Variants in XKR4 observed in about 807,000 individuals in gnomAD.
XKR4 encodes XK-related protein 4.
Under a neutral mutation model 53.9 loss-of-function variants are expected in XKR4, and 12 were observed. That is an observed-to-expected ratio of 0.22 (90% CI 0.14 to 0.36). The LOEUF is 0.36. Among genes scored for constraint, XKR4 ranks in the 10% least tolerant of loss-of-function variants. The probability of loss-of-function intolerance (pLI) is 1.00; values close to 1 mark genes in which losing one functional copy is unlikely to be tolerated. For missense variants in XKR4, 799 were observed against 859.5 expected, an observed-to-expected ratio of 0.93 and a Z score of 0.88; for synonymous variants, 354 against 362.4, an observed-to-expected ratio of 0.98 and a Z score of 0.26.
intron 2 of XKR4, among the ~76,000 whole-genome samples, chr8:55,457,146 CTTT>C (rs1554527639): frequency 7.3e-6 from 1 of 137,260 alleles, no homozygotes. Flanking sequence ...TTTTCCTTTT[CTTT>C]TTTTTTTTTT....
chr8:55,381,695 G>T (rs1324600592), intron 2 of XKR4, among the ~76,000 whole-genome samples: 1 of 152,156 alleles, frequency 6.6e-6, no homozygotes, highest in Non-Finnish European at 1.5e-5. Flanking sequence ...CCGACGTGCT[G>T]TTCTCCTCCA....
chr8:55,318,171 T>C (rs1803140626), intron 1 of XKR4, among the ~76,000 whole-genome samples: 1 of 152,194 alleles, frequency 6.6e-6, no homozygotes, highest in African/African-American at 2.4e-5. Context: ...ATCATTTATC[T>C]TGCAAGTATC....
intron 2 of XKR4, among the ~76,000 whole-genome samples, chr8:55,403,531 G>A (rs1176894589): frequency 6.6e-6 from 1 of 152,194 alleles, no homozygotes; most frequent in African/African-American, 2.4e-5. Flanking sequence ...TAGCCTTTTG[G>A]CAGTCAGCCA....
intron 2 of XKR4, among the ~76,000 whole-genome samples, chr8:55,457,662 G>A (rs2129397393): frequency 6.6e-6 from 1 of 152,298 alleles, no homozygotes; most frequent in Admixed American, 6.5e-5. Context: ...AGAAACTAAA[G>A]TTCACGGGGA....
chr8:55,234,662 C>T (rs1419950743), intron 1 of XKR4, among the ~76,000 whole-genome samples: 1 of 152,122 alleles, frequency 6.6e-6, no homozygotes, highest in African/African-American at 2.4e-5. Context: ...GTAATTGAAG[C>T]ATATTTATTT....
chr8:55,254,562 G>C (rs1027487132), intron 1 of XKR4, among the ~76,000 whole-genome samples: 5 of 152,164 alleles, frequency 3.3e-5, no homozygotes, highest in African/African-American at 1.2e-4. Flanking sequence ...GAATGTTCAC[G>C]GTTTGATAAA....
chr8:55,190,085 G>GT (rs1201094998), intron 1 of XKR4, among the ~76,000 whole-genome samples: 10 of 152,204 alleles, frequency 6.6e-5, no homozygotes, highest in Non-Finnish European at 1.3e-4. Context: ...TAATCTGCGT[G>GT]TGTGTTTAAA....
intron 1 of XKR4, among the ~76,000 whole-genome samples, chr8:55,353,153 A>C (rs1005949457): frequency 2.6e-5 from 4 of 152,314 alleles, no homozygotes; most frequent in African/African-American, 9.6e-5. Flanking sequence ...AAGATCAAAC[A>C]CTGATAGAAA....
Position 55,538,886 on chromosome 8 carries a change from C to G in XKR4, c.*14659C>G, listed in dbSNP as rs1807066946. On this transcript the variant is annotated 3_prime_UTR_variant, in exon 3 of 3. Transcript: ENST00000327381. ...TACAACACAATAAAAGAACGTAAAG[C>G]CTTATTTCCACCTGTAACTCCTGAA... 6.6e-6 allele frequency: 1 copy of G among 152,268 alleles called. No individual in the cohort carries two copies. The highest frequency in any genetic ancestry group is 1.9e-4 in the East Asian group (1 of 5,180). 9.4% of individuals were successfully genotyped at this position (152,268 alleles called of 1,614,324 possible).
intron 2 of XKR4, among the ~76,000 whole-genome samples, chr8:55,467,500 C>T (rs143790998): frequency 3.0e-4 from 46 of 152,126 alleles, no homozygotes; most frequent in African/African-American, 7.5e-4. Context: ...TGGGAGTTGG[C>T]GAGGGTTGGG....
intron 2 of XKR4, among the ~76,000 whole-genome samples, chr8:55,512,278 A>G (rs985475086): frequency 1.3e-5 from 2 of 152,148 alleles, no homozygotes; most frequent in African/African-American, 4.8e-5. Flanking sequence ...GGGATCGTAC[A>G]CGCACCTTGC....
intron 2 of XKR4, among the ~76,000 whole-genome samples, chr8:55,389,295 A>T (rs1364344833): frequency 6.6e-6 from 1 of 152,232 alleles, no homozygotes; most frequent in Non-Finnish European, 1.5e-5. Flanking sequence ...ATTTGGTTAC[A>T]GTAGCCCCAG....
At position 55,534,292 on chromosome 8, in the gene XKR4, T is replaced by C. The variant is rs931342715; in HGVS notation, c.*10065T>C. The stretch of plus-strand genomic sequence containing the variant: ...AACCGAGATCCATTTCTATGTGGAA[T>C]TGGCTATCCTGTTGCTTCTCAGGCC... On this transcript the variant is annotated 3_prime_UTR_variant, in exon 3 of 3. Coordinates refer to ENST00000327381, the MANE Select transcript of XKR4 (RefSeq NM_052898.2). The C allele has an allele frequency of 9.2e-5, 14 of 151,632 alleles. No homozygotes were observed. Among genetic ancestry groups the C allele is most frequent in the African/African-American group, 2.2e-4 (9 of 41,278 alleles). The allele number at this position is 151,632 out of a possible 1,614,324, so 9.4% of individuals were successfully genotyped here. A position where few individuals can be genotyped will look rare whatever the true frequency, so the allele number is the denominator to read the frequency against.
intron 1 of XKR4, among the ~76,000 whole-genome samples, chr8:55,122,977 C>A (rs978708324): frequency 6.6e-6 from 1 of 152,148 alleles, no homozygotes; most frequent in Non-Finnish European, 1.5e-5. Flanking sequence ...AAGCTCCTCT[C>A]TGAACCCACT....
intron 1 of XKR4, among the ~76,000 whole-genome samples, chr8:55,211,272 A>G (rs1817725651): frequency 6.6e-6 from 1 of 152,228 alleles, no homozygotes; most frequent in Admixed American, 6.5e-5. Flanking sequence ...ACATTTATTT[A>G]CTCAGAAGCT....
At chr8:55,479,929 A>G (rs894855127) in intron 2 of XKR4, among the ~76,000 whole-genome samples, 2 of 152,212 alleles carry the variant, frequency 1.3e-5, no homozygotes, top group Non-Finnish European at 2.9e-5. Context: ...AGCAAAGAAA[A>G]GTCCAGGACC....
chr8:55,364,473 A>C (rs1262345009), intron 2 of XKR4, among the ~76,000 whole-genome samples: 1 of 152,192 alleles, frequency 6.6e-6, no homozygotes, highest in Non-Finnish European at 1.5e-5. Context: ...CTGAATATTC[A>C]TGCCAAGCAG....
intron 1 of XKR4, among the ~76,000 whole-genome samples, chr8:55,189,764 T>C (rs534553186): frequency 3.9e-5 from 6 of 152,340 alleles, no homozygotes; most frequent in Non-Finnish European, 7.3e-5. Flanking sequence ...CACTTTTGTT[T>C]CCTGTTCTTT....
At chr8:55,230,645 G>A (rs1291224226) in intron 1 of XKR4, among the ~76,000 whole-genome samples, 1 of 152,126 alleles carries the variant, frequency 6.6e-6, no homozygotes, top group African/African-American at 2.4e-5. Flanking sequence ...TGGGATTATA[G>A]GCATGAGCCA....
Sources: gnomAD v4.1 joint callset for allele counts (sites outside exome capture counted in the v4.1 genomes callset) on GRCh38, gnomAD v4.1.1 for gene constraint, MANE v1.5 for transcripts, NCBI Gene and HGNC (gene_info 2026-07-23, HGNC 2026-07-21) for gene names.